MERTK: variants seen among roughly 807,000 people sequenced by gnomAD.
MERTK encodes tyrosine-protein kinase Mer.
In MERTK, 69 loss-of-function variants were observed where a neutral mutation model predicts 99.3. That is an observed-to-expected ratio of 0.70 (90% confidence interval 0.57 to 0.85). The LOEUF (loss-of-function observed/expected upper bound fraction) is 0.85. Among genes scored for constraint, MERTK ranks in the 40% least tolerant of loss-of-function variants. MERTK has a pLI of 0.00. For missense variants in MERTK, 1,125 were observed against 1,249.4 expected (o/e 0.90, Z 1.50); for synonymous variants, 426 against 467.6 (o/e 0.91, Z 1.15).
intron 1 of MERTK, among the ~76,000 whole-genome samples, chr2:111,915,784 A>C (rs1182277377): frequency 6.6e-6 from 1 of 152,096 alleles, no homozygotes; most frequent in Non-Finnish European, 1.5e-5. Context: ...AATCCCAGCT[A>C]TTTGGGGAGC....
At chr2:111,904,050 G>A (rs1341720137) in intron 1 of MERTK, among the ~76,000 whole-genome samples, 1 of 152,118 alleles carries the variant, frequency 6.6e-6, no homozygotes, top group Non-Finnish European at 1.5e-5. Flanking sequence ...CAAGTCCTTT[G>A]CTGCAGCTCT....
At chr2:111,942,631 C>G (rs944048909) in intron 2 of MERTK, among the ~76,000 whole-genome samples, 1 of 152,214 alleles carries the variant, frequency 6.6e-6, no homozygotes, top group African/African-American at 2.4e-5. Context: ...CTGGCCTTTC[C>G]TTGATCCCTG....
chr2:112,005,250 G>A (rs771804734), intron 13 of MERTK, among the ~76,000 whole-genome samples: 11 of 152,150 alleles, frequency 7.2e-5, no homozygotes, highest in South Asian at 6.2e-4. Context: ...TGAATTTTTA[G>A]TAGAGAAGAT....
chr2:111,944,357 A>G (rs905847102), intron 2 of MERTK, among the ~76,000 whole-genome samples: 2 of 151,376 alleles, frequency 1.3e-5, no homozygotes, highest in East Asian at 3.9e-4. Context: ...TATATTAGTC[A>G]GGGTTTTTCC....
rs184392944 is a variant in MERTK, at chr2:112,013,743, C to T, written c.2079+3677C>T. 2.6e-5 allele frequency among the ~76,000 whole-genome samples: 4 copies of T among 152,300 alleles called. No individual in the cohort carries two copies. In the East Asian group the frequency reaches 7.7e-4, roughly 29 times the overall value. Reference sequence around the variant, plus strand: ...TGTGCACCCCTCTCCAGCAGGGCAGCCCCCACACAGATCCCTGTGAGTGGC... The same window carrying T: ...TGTGCACCCCTCTCCAGCAGGGCAGTCCCCACACAGATCCCTGTGAGTGGC... On this transcript the variant is annotated intron_variant, in intron 15 of 18. Coordinates refer to ENST00000295408, the MANE Select transcript of MERTK (RefSeq NM_006343.3).
chr2:111,924,463 G>GC (rs1684518522), intron 1 of MERTK, among the ~76,000 whole-genome samples: 1 of 152,148 alleles, frequency 6.6e-6, no homozygotes, highest in Non-Finnish European at 1.5e-5. Context: ...GTTGCTGTCA[G>GC]CCCCCTCTTC....
chr2:111,963,324 C>T lies in MERTK; in HGVS notation c.758-1867C>T, dbSNP rs183579602. On this transcript the variant is annotated intron_variant, in intron 4 of 18. Coordinates refer to ENST00000295408, the MANE Select transcript of MERTK (RefSeq NM_006343.3). ...GGGATGGGCAGGAGAGCAATGCCTT[C>T]CTCTTGTCTCAACTGCCAAGAGGCG... Among the ~76,000 whole-genome samples the T allele has an allele frequency of 6.6e-5, 10 of 152,350 alleles. No individual in the cohort carries two copies. The East Asian group carries it at 1.9e-3, about 29-fold the overall frequency.
rs1683973586 is a variant in MERTK at position 111,898,754 on chromosome 2, C to A, written c.19C>A (p.Pro7Thr). The A allele has an allele frequency of 1.2e-6, 2 of 1,605,976 alleles. No homozygotes were observed. The highest frequency in any genetic ancestry group is 1.7e-5 in the Admixed American group (1 of 59,302). ...CCCCGGGATGGGGCCGGCCCCGCTG[C>A]CGCTGCTGCTGGGCCTCTTCCTCCC... MGPAPLPLLLGLFLPAL... is the reference protein window; with the variant it reads MGPAPLTLLLGLFLPAL... The change falls in exon 1 of 19, where the codon CCG becomes ACG. Residue 7 changes from proline to threonine, a missense_variant. Physicochemically the swap from Pro to Thr is conservative, Grantham distance 38. Transcript: ENST00000295408.
At chr2:111,922,634 T>C (rs1317807997) in intron 1 of MERTK, among the ~76,000 whole-genome samples, 1 of 152,214 alleles carries the variant, frequency 6.6e-6, no homozygotes, top group East Asian at 1.9e-4. Context: ...GCCAATATTT[T>C]TGGAGTGTGC....
In MERTK at chr2:112,022,333, A is replaced by G. The variant is rs904711688; in HGVS notation, c.2425A>G (p.Met809Val). 1 of 1,614,184 alleles carries G rather than the reference A, an allele frequency of 6.2e-7. No individual in the cohort carries two copies. Among genetic ancestry groups the G allele is most frequent in the South Asian group, 1.1e-5 (1 of 91,076 alleles). ...TPYPGVQNHEMYDYLLHGHRL... is the reference protein window; with the variant it reads ...TPYPGVQNHEVYDYLLHGHRL... ...CTATCCTGGGGTCCAGAACCATGAGATGTATGACTATCTTCTCCATGGCCA... is the reference window on the plus strand; with the variant it reads ...CTATCCTGGGGTCCAGAACCATGAGGTGTATGACTATCTTCTCCATGGCCA... The change falls in exon 18 of 19, where the codon ATG becomes GTG. Residue 809 changes from methionine (M) to valine (V), a missense_variant. Coordinates refer to ENST00000295408, the MANE Select transcript of MERTK (RefSeq NM_006343.3).
chr2:111,917,309 T>A (rs1335933206), intron 1 of MERTK, among the ~76,000 whole-genome samples: 1 of 152,188 alleles, frequency 6.6e-6, no homozygotes, highest in African/African-American at 2.4e-5. Flanking sequence ...TTGTAGTACT[T>A]CTCTATAGCT....
At chr2:111,900,698 C>T (rs1318824634) in intron 1 of MERTK, among the ~76,000 whole-genome samples, 1 of 152,118 alleles carries the variant, frequency 6.6e-6, no homozygotes, top group East Asian at 1.9e-4. Flanking sequence ...ACCAATCGTT[C>T]TTGCACTTTT....
chr2:111,928,209 T>C (rs534326161), intron 1 of MERTK, among the ~76,000 whole-genome samples: 1 of 145,336 alleles, frequency 6.9e-6, no homozygotes, highest in Admixed American at 7.1e-5. Flanking sequence ...TTTGTGGCCA[T>C]GAGCAGCTTT....
At position 111,977,290 on chromosome 2, in the gene MERTK, A is replaced by G. The variant is rs192723474; in HGVS notation, c.1144+1818A>G. Among the ~76,000 whole-genome samples the G allele has an allele frequency of 1.2e-4, 18 of 152,236 alleles. 1 individual carries two copies. In the East Asian group the frequency reaches 3.3e-3, roughly 28 times the overall value. ...GTTCTTATTTTTATTTTTAGCCTTCATTTTTGAAAGGTATTTTTATGAGGT... is the reference window on the plus strand; with the variant it reads ...GTTCTTATTTTTATTTTTAGCCTTCGTTTTTGAAAGGTATTTTTATGAGGT... On this transcript the variant is annotated intron_variant, in intron 7 of 18. Transcript: ENST00000295408.
rs1179231150 is a variant in MERTK, at chr2:111,982,948, G to T, written c.1251G>T (p.Leu417=). ...KPPTKQQDGE[L]VGYRISHVWQ... ...CGACTAAGCAGCAGGATGGAGAACTGGTGGGCTACCGGATATCCCACGTGT... is the reference window on the plus strand; with the variant it reads ...CGACTAAGCAGCAGGATGGAGAACTTGTGGGCTACCGGATATCCCACGTGT... The change falls in exon 8 of 19, where the codon CTG becomes CTT. Residue 417 remains leucine (L), a synonymous_variant. Coordinates refer to ENST00000295408, the MANE Select transcript of MERTK (RefSeq NM_006343.3). 1 of 1,614,166 alleles carries T rather than the reference G, an allele frequency of 6.2e-7. No individual in the cohort carries two copies.
intron 1 of MERTK, among the ~76,000 whole-genome samples, chr2:111,907,667 G>A (rs891294020): frequency 7.0e-6 from 1 of 142,028 alleles, no homozygotes; most frequent in Admixed American, 7.3e-5. Flanking sequence ...TATCCCCCCT[G>A]AGGGGGAACA....
chr2:111,926,385 A>G (rs1684567796), intron 1 of MERTK, among the ~76,000 whole-genome samples: 1 of 152,172 alleles, frequency 6.6e-6, no homozygotes, highest in South Asian at 2.1e-4. Flanking sequence ...AGAACCACAG[A>G]TGAGTGTGCC....
At position 111,929,351 on chromosome 2, in the gene MERTK, A is replaced by T. The variant is rs1309608174; in HGVS notation, c.293A>T (p.His98Leu). ...SKPLPPLAFKHTVGHIILSEH... is the reference protein window; with the variant it reads ...SKPLPPLAFKLTVGHIILSEH... ...CCCCTACCGCCTCTTGCCTTCAAAC[A>T]CACAGTTGGACACATAATACTTTCT... Residue 98 changes from histidine to leucine, a missense_variant, in exon 2 of 19, where the codon CAC (histidine) becomes CTC (leucine). Physicochemically the swap from His to Leu is moderately conservative, Grantham distance 99. Transcript: ENST00000295408. 6.2e-7 allele frequency: 1 copy of T among 1,614,144 alleles called. No homozygotes were observed. The highest frequency in any genetic ancestry group is 8.5e-7 in the Non-Finnish European group (1 of 1,180,018).
intron 7 of MERTK, among the ~76,000 whole-genome samples, chr2:111,982,626 C>G (rs1293593440): frequency 6.6e-6 from 1 of 152,166 alleles, no homozygotes; most frequent in South Asian, 2.1e-4. Flanking sequence ...AAATGAATTT[C>G]TAGGCTTCAG....
Sources: allele counts gnomAD v4.1 joint callset (sites outside exome capture counted in the v4.1 genomes callset), GRCh38; gene constraint gnomAD v4.1.1; transcripts MANE v1.5; gene names NCBI Gene and HGNC (gene_info 2026-07-23, HGNC 2026-07-21).